The following PDSS2 variants were observed in gnomAD, a reference collection of about 807,000 sequenced individuals.
PDSS2 encodes all trans-polyprenyl-diphosphate synthase PDSS2.
Under a neutral mutation model 44.5 loss-of-function variants are expected in PDSS2, and 31 were observed. That is an observed-to-expected ratio of 0.70 (90% CI 0.52 to 0.94). PDSS2 has a LOEUF of 0.94. PDSS2 is among the 40% of genes least tolerant of loss of function. The probability of loss-of-function intolerance (pLI) is 0.00; values close to 1 mark genes in which losing one functional copy is unlikely to be tolerated. For missense variants in PDSS2, 452 were observed against 482.2 expected (o/e 0.94, Z 0.59); for synonymous variants, 157 against 180.3 (o/e 0.87, Z 1.03).
rs745770061 is a variant in PDSS2 at position 107,381,230 on chromosome 6, CATA to C, written c.297-46901_297-46899del. 1.4e-4 allele frequency among the ~76,000 whole-genome samples: 21 copies of C among 152,286 alleles called. No homozygotes were observed. The East Asian group carries it at 4.1e-3, about 29-fold the overall frequency. On this transcript the variant is annotated intron_variant, in intron 1 of 7. Coordinates refer to ENST00000369037, the MANE Select transcript of PDSS2 (RefSeq NM_020381.4). The stretch of plus-strand genomic sequence containing the variant: ...AGGTGCTTTTCTCGACTCTAACCTC[CATA>C]ATAAGGCTGGAAAGGAGCCAAATCC...
At chr6:107,433,382 T>C (rs1057298324) in intron 1 of PDSS2, among the ~76,000 whole-genome samples, 2 of 152,088 alleles carry the variant, frequency 1.3e-5, no homozygotes, top group Non-Finnish European at 2.9e-5. Flanking sequence ...ACAGAGTTAT[T>C]GTAACCAAAA....
intron 2 of PDSS2, among the ~76,000 whole-genome samples, chr6:107,275,173 T>C (rs958591761): frequency 2.0e-5 from 3 of 152,220 alleles, no homozygotes; most frequent in African/African-American, 7.2e-5. Flanking sequence ...AGCAGATGTT[T>C]GTTCCTTTTT....
At chr6:107,368,949 A>G (rs1276799880) in intron 1 of PDSS2, among the ~76,000 whole-genome samples, 1 of 152,246 alleles carries the variant, frequency 6.6e-6, no homozygotes, top group Non-Finnish European at 1.5e-5. Flanking sequence ...GAAGTAGTGT[A>G]GTATTGGTAT....
At chr6:107,176,871 C>G (rs899092482) in intron 7 of PDSS2, among the ~76,000 whole-genome samples, 3 of 151,880 alleles carry the variant, frequency 2.0e-5, no homozygotes, top group African/African-American at 7.3e-5. Context: ...TACTGGTACA[C>G]TTAAAATTGA....
chr6:107,401,420 A>C (rs1480503936), intron 1 of PDSS2, among the ~76,000 whole-genome samples: 3 of 152,094 alleles, frequency 2.0e-5, no homozygotes. Flanking sequence ...AAGAAAAAAA[A>C]GTCCTACTCC....
At chr6:107,264,190 C>G in intron 3 of PDSS2, 2 of 1,005,578 alleles carry the variant, frequency 2.0e-6, no homozygotes, top group Non-Finnish European at 2.5e-6. Flanking sequence ...CACAAATAGA[C>G]AATAGCATCT....
In PDSS2 at chr6:107,266,537, CAT is replaced by C. The variant is rs554429917; in HGVS notation, c.630+7490_630+7491del. Among the ~76,000 whole-genome samples, 479 of 151,940 alleles carry C rather than the reference CAT, an allele frequency of 3.2e-3. 4 individuals are homozygous for C. Among genetic ancestry groups the C allele is most frequent in the South Asian group, 0.019 (93 of 4,808 alleles). ...TACAACTATCAAATTCAGAAAAAAA[CAT>C]ATCATAGCCTAAAAAGGAAAAAATT... On this transcript the variant is annotated intron_variant, in intron 3 of 7. Transcript: ENST00000369037.
rs78706855 is a variant in PDSS2 at position 107,371,187 on chromosome 6, A to T, written c.297-36855T>A. Among the ~76,000 whole-genome samples, 22 of 814 alleles carry T rather than the reference A, an allele frequency of 0.027. No homozygotes were observed. In the Non-Finnish European group the frequency reaches 0.28, roughly 10 times the overall value. 0.5% of individuals were successfully genotyped at this position (814 alleles called of 152,430 possible). A position where few individuals can be genotyped will look rare whatever the true frequency, so the allele number is the denominator to read the frequency against. ...AAGAGCAAAACTCTGTCTCAAAGTA[A>T]AAAAAAAAAAAAGTCAACCACTGGA... On this transcript the variant is annotated intron_variant, in intron 1 of 7. Coordinates refer to ENST00000369037, the MANE Select transcript of PDSS2 (RefSeq NM_020381.4).
chr6:107,426,397 G>A (rs1467532305), intron 1 of PDSS2, among the ~76,000 whole-genome samples: 5 of 152,258 alleles, frequency 3.3e-5, no homozygotes, highest in African/African-American at 1.2e-4. Flanking sequence ...TGCCTAGGCA[G>A]AAGTTTGCTG....
At chr6:107,169,764 G>A (rs1771495506) in intron 7 of PDSS2, among the ~76,000 whole-genome samples, 1 of 152,180 alleles carries the variant, frequency 6.6e-6, no homozygotes, top group South Asian at 2.1e-4. Flanking sequence ...GTTTGCCTGG[G>A]TATCAGCAGC....
At chr6:107,220,736 T>C (rs894379826) in intron 4 of PDSS2, among the ~76,000 whole-genome samples, 1 of 152,192 alleles carries the variant, frequency 6.6e-6, no homozygotes, top group African/African-American at 2.4e-5. Context: ...GATTAATTTA[T>C]AGTCCCCTGA....
chr6:107,350,669 G>A (rs935393951), intron 1 of PDSS2, among the ~76,000 whole-genome samples: 2 of 152,108 alleles, frequency 1.3e-5, no homozygotes, highest in African/African-American at 2.4e-5. Flanking sequence ...AATTAGCTGG[G>A]CATGGTGGCA....
intron 1 of PDSS2, among the ~76,000 whole-genome samples, chr6:107,391,206 T>C (rs532407095): frequency 3.9e-5 from 6 of 152,122 alleles, no homozygotes; most frequent in African/African-American, 1.4e-4. Flanking sequence ...ATCTAACTCT[T>C]AAGATCAGTG....
intron 1 of PDSS2, among the ~76,000 whole-genome samples, chr6:107,451,017 A>G (rs146238261): frequency 6.6e-6 from 1 of 152,206 alleles, no homozygotes; most frequent in African/African-American, 2.4e-5. Flanking sequence ...TATTTTGTAG[A>G]GACAGCATTT....
chr6:107,254,406 T>C (rs1774935947), intron 3 of PDSS2, among the ~76,000 whole-genome samples: 1 of 152,162 alleles, frequency 6.6e-6, no homozygotes, highest in South Asian at 2.1e-4. Flanking sequence ...AGCAGATTTT[T>C]TAAAAAGTTG....
intron 6 of PDSS2, among the ~76,000 whole-genome samples, chr6:107,195,047 C>G (rs1225389050): frequency 6.6e-6 from 1 of 152,096 alleles, no homozygotes; most frequent in Non-Finnish European, 1.5e-5. Flanking sequence ...TTTCTCCTGC[C>G]ACTTCTGCAT....
At chr6:107,190,463 T>C (rs1772334106) in intron 7 of PDSS2, among the ~76,000 whole-genome samples, 1 of 152,180 alleles carries the variant, frequency 6.6e-6, no homozygotes, top group Non-Finnish European at 1.5e-5. Flanking sequence ...GGGTACCAGA[T>C]ATACTAAGAG....
chr6:107,239,218 A>G (rs1221292687), intron 4 of PDSS2, among the ~76,000 whole-genome samples: 1 of 152,188 alleles, frequency 6.6e-6, no homozygotes, highest in African/African-American at 2.4e-5. Context: ...CAAAAGTTGC[A>G]GTGAGCTGAG....
At chr6:107,186,615 C>T (rs1479756534) in intron 7 of PDSS2, among the ~76,000 whole-genome samples, 3 of 152,140 alleles carry the variant, frequency 2.0e-5, no homozygotes, top group Admixed American at 1.3e-4. Flanking sequence ...TCGCGCCCCC[C>T]TACCCCCCAA....
Sources: allele counts gnomAD v4.1 joint callset (sites outside exome capture counted in the v4.1 genomes callset), GRCh38; gene constraint gnomAD v4.1.1; transcripts MANE v1.5; gene names NCBI Gene and HGNC (gene_info 2026-07-23, HGNC 2026-07-21).